Variants in RPTOR observed in about 807,000 individuals in gnomAD.
RPTOR encodes regulatory associated protein of MTOR complex 1.
Under a neutral mutation model 169.9 loss-of-function variants are expected in RPTOR, and 21 were observed. The ratio of observed to expected loss-of-function variants is 0.12; its 90% CI spans 0.09 to 0.18. The LOEUF (loss-of-function observed/expected upper bound fraction) is 0.18. Among genes scored for constraint, RPTOR ranks in the 10% least tolerant of loss-of-function variants. RPTOR has a pLI of 1.00. For synonymous variants in RPTOR, 732 were observed against 753.2 expected (o/e 0.97, Z 0.46); for missense variants, 1,133 against 1,855.9 (o/e 0.61, Z 7.16).
At chr17:80,616,910 C>T (rs370033672) in intron 1 of RPTOR, among the ~76,000 whole-genome samples, 2 of 152,180 alleles carry the variant, frequency 1.3e-5, no homozygotes, top group Admixed American at 6.5e-5. Flanking sequence ...ACATTCCTCA[C>T]ACCGGTCCAG....
At position 80,609,065 on chromosome 17, in the gene RPTOR, C is replaced by T. The variant is rs534653497; in HGVS notation, c.163-16626C>T. Among the ~76,000 whole-genome samples, 35 of 152,254 alleles carry T rather than the reference C, an allele frequency of 2.3e-4. No homozygotes were observed. The South Asian group carries it at 6.2e-3, about 27-fold the overall frequency. Reference sequence around the variant, plus strand: ...GGAGAGAGTTGGGAGGAGGAAGTGGCCATGCTGCAGGTGCCCTAACAGATC... The same window carrying T: ...GGAGAGAGTTGGGAGGAGGAAGTGGTCATGCTGCAGGTGCCCTAACAGATC... On this transcript the variant is annotated intron_variant, in intron 1 of 33. Coordinates refer to ENST00000306801, the MANE Select transcript of RPTOR (RefSeq NM_020761.3). This position sits in a 1 kb window ranked among gnomAD's most constrained non-coding sequence, Gnocchi z 4.8.
intron 1 of RPTOR, among the ~76,000 whole-genome samples, chr17:80,611,637 C>T (rs1378186547): frequency 6.6e-6 from 1 of 151,998 alleles, no homozygotes; most frequent in Non-Finnish European, 1.5e-5. Context: ...ATCATTCACC[C>T]GTCTAACCAT....
At chr17:80,665,425 T>TG (rs2065762573) in intron 3 of RPTOR, among the ~76,000 whole-genome samples, 1 of 13,158 alleles carries the variant, frequency 7.6e-5, no homozygotes, top group African/African-American at 8.1e-4. Context: ...TTCCTTTCCT[T>TG]TCCTTTCCTT....
intron 1 of RPTOR, among the ~76,000 whole-genome samples, chr17:80,553,134 A>G (rs1294539123): frequency 6.6e-6 from 1 of 152,252 alleles, no homozygotes; most frequent in African/African-American, 2.4e-5. Flanking sequence ...TTTCTTTGCC[A>G]TGCACATGGA....
chr17:80,801,499 C>T (rs2067156809), intron 7 of RPTOR: 1 of 152,130 alleles, frequency 6.6e-6, no homozygotes, highest in African/African-American at 2.4e-5. Context: ...GGAGCCCAGA[C>T]CTCTAGAAGG....
At position 80,925,387 on chromosome 17, in the gene RPTOR, C is replaced by T. The variant is rs758106464; in HGVS notation, c.2826C>T (p.Asp942=). 7.4e-6 allele frequency: 12 copies of T among 1,613,568 alleles called. No homozygotes were observed. Among genetic ancestry groups the T allele is most frequent in the Middle Eastern group, 1.6e-4 (1 of 6,084 alleles). The change falls in exon 24 of 34, where the codon GAC becomes GAT. Residue 942 remains aspartate, a synonymous_variant. Coordinates refer to ENST00000306801, the MANE Select transcript of RPTOR (RefSeq NM_020761.3). ...KGPEQTADDA[D]DAAGHKSFIS... ...CCCTGAAGACTGCGGACGACGCGGACGATGCTGCTGGACACAAAAGTTTCA... is the reference window on the plus strand; with the variant it reads ...CCCTGAAGACTGCGGACGACGCGGATGATGCTGCTGGACACAAAAGTTTCA...
At chr17:80,753,545 A>G (rs2066649981) in intron 5 of RPTOR, among the ~76,000 whole-genome samples, 1 of 146,292 alleles carries the variant, frequency 6.8e-6, no homozygotes, top group Non-Finnish European at 1.5e-5. Flanking sequence ...AGGCAGGAGA[A>G]TGGCGTGAAC....
intron 11 of RPTOR, among the ~76,000 whole-genome samples, chr17:80,853,627 C>T (rs975520818): frequency 2.6e-5 from 4 of 152,156 alleles, no homozygotes; most frequent in East Asian, 3.8e-4. Context: ...AGTCGATGCA[C>T]ATGCCTTCCA....
chr17:80,940,492 G>A lies in RPTOR; in HGVS notation c.2920-4G>A. 1 of 1,612,418 alleles carries A rather than the reference G, an allele frequency of 6.2e-7. No homozygotes were observed. The highest frequency in any genetic ancestry group is 8.5e-7 in the Non-Finnish European group (1 of 1,179,122). On this transcript the variant is annotated splice_region_variant and splice_polypyrimidine_tract_variant and intron_variant, in intron 24 of 33. Coordinates refer to ENST00000306801, the MANE Select transcript of RPTOR (RefSeq NM_020761.3). ...GCTTAACTGGGTGTTTTCTGTTGTT[G>A]AAGATCCCAGAAGAGCACGACCTGG...
At chr17:80,758,527 T>C (rs2066703034) in intron 6 of RPTOR, among the ~76,000 whole-genome samples, 1 of 152,174 alleles carries the variant, frequency 6.6e-6, no homozygotes. Context: ...TAGGGAGACC[T>C]TGGTGACCAT....
intron 1 of RPTOR, among the ~76,000 whole-genome samples, chr17:80,581,098 G>A (rs1178141561): frequency 1.3e-5 from 2 of 152,214 alleles, no homozygotes; most frequent in East Asian, 1.9e-4. Flanking sequence ...TTTGGAAGGC[G>A]TGATTACTGA....
Position 80,746,130 on chromosome 17 carries a change from C to G in RPTOR, c.655-7880C>G, listed in dbSNP as rs2066570824. Among the ~76,000 whole-genome samples the G allele has an allele frequency of 6.6e-6, 1 of 151,584 alleles. No homozygotes were observed. ...TGAGCTGAGATGGTGCCATTGCCCT[C>G]CAGCCTGGGTGACAAGAGCAAACCT... is the stretch of plus-strand genomic sequence containing the variant. On this transcript the variant is annotated intron_variant, in intron 5 of 33. Transcript: ENST00000306801. This position sits in a 1 kb window ranked among gnomAD's most constrained non-coding sequence, Gnocchi z 4.5.
At chr17:80,907,274 C>T (rs766594539) in intron 20 of RPTOR, among the ~76,000 whole-genome samples, 1 of 152,284 alleles carries the variant, frequency 6.6e-6, no homozygotes, top group African/African-American at 2.4e-5. Context: ...AATTGTCTAG[C>T]TTCCCCAAAA....
intron 7 of RPTOR, among the ~76,000 whole-genome samples, chr17:80,818,182 A>G (rs531749902): frequency 1.3e-5 from 2 of 152,280 alleles, no homozygotes; most frequent in East Asian, 3.9e-4. Context: ...CAGCAGAGAA[A>G]CAGGTACCAC....
chr17:80,792,095 G>A (rs1465944486), intron 7 of RPTOR, among the ~76,000 whole-genome samples: 1 of 152,066 alleles, frequency 6.6e-6, no homozygotes, highest in Non-Finnish European at 1.5e-5. Flanking sequence ...CTGAAGTGGT[G>A]TTTCAGGACC....
intron 3 of RPTOR, among the ~76,000 whole-genome samples, chr17:80,652,527 G>T (rs546078044): frequency 1.3e-5 from 2 of 152,202 alleles, no homozygotes; most frequent in African/African-American, 4.8e-5. Flanking sequence ...ATAGGGTCTC[G>T]CTTTATTGCT....
At chr17:80,742,751 T>G (rs979228093) in intron 5 of RPTOR, among the ~76,000 whole-genome samples, 1 of 151,886 alleles carries the variant, frequency 6.6e-6, no homozygotes, top group Non-Finnish European at 1.5e-5. Flanking sequence ...CACACATACA[T>G]GCACATATAG....
intron 6 of RPTOR, chr17:80,774,141 G>T (rs185339165): frequency 1.0e-6 from 1 of 985,370 alleles, no homozygotes; most frequent in African/African-American, 1.7e-5. Context: ...ACTCGAGGGC[G>T]CTGTGACATC....
At chr17:80,824,634 A>C (rs903982116) in intron 9 of RPTOR, among the ~76,000 whole-genome samples, 7 of 152,222 alleles carry the variant, frequency 4.6e-5, no homozygotes, top group African/African-American at 1.7e-4. Context: ...GGTCAGTGCC[A>C]CATCAGATCC....
Sources: gnomAD v4.1 joint callset for allele counts (sites outside exome capture counted in the v4.1 genomes callset) on GRCh38, gnomAD v4.1.1 for gene constraint, Gnocchi (gnomAD v3.1) non-coding constraint, MANE v1.5 for transcripts, NCBI Gene and HGNC (gene_info 2026-07-23, HGNC 2026-07-21) for gene names.